KLHDC1: variants seen among roughly 807,000 people sequenced by gnomAD.
KLHDC1 encodes kelch domain containing 1.
In KLHDC1, 53 loss-of-function variants were observed where a neutral mutation model predicts 68.3. The ratio of observed to expected loss-of-function variants is 0.78; its 90% CI spans 0.62 to 0.98. The LOEUF is 0.98. Ranked by LOEUF, KLHDC1 falls within the 50% of genes least tolerant of loss-of-function variation. KLHDC1 has a pLI of 0.00. For synonymous variants in KLHDC1, 148 were observed against 159.0 expected, an observed-to-expected ratio of 0.93 and a Z score of 0.52; for missense variants, 470 against 492.3, an observed-to-expected ratio of 0.95 and a Z score of 0.43.
intron 10 of KLHDC1, among the ~76,000 whole-genome samples, chr14:49,737,112 C>T (rs1159313387): frequency 6.6e-6 from 1 of 152,178 alleles, no homozygotes; most frequent in African/African-American, 2.4e-5. Flanking sequence ...ATAGCCTTCT[C>T]TCCAGGAAAT....
chr14:49,727,617 C>G (rs1242643973), intron 6 of KLHDC1, among the ~76,000 whole-genome samples: 2 of 152,124 alleles, frequency 1.3e-5, no homozygotes, highest in African/African-American at 4.8e-5. Flanking sequence ...TTCCAGTACT[C>G]TTCTATTCTC....
intron 4 of KLHDC1, among the ~76,000 whole-genome samples, chr14:49,713,234 A>G (rs1388641621): frequency 6.6e-6 from 1 of 151,416 alleles, no homozygotes; most frequent in Non-Finnish European, 1.5e-5. Context: ...GATTACAGGC[A>G]TGAGCTACCG....
At chr14:49,693,334 C>G (rs1780338567) in intron 1 of KLHDC1, 44 bp downstream of exon 1, 2 of 1,319,806 alleles carry the variant, frequency 1.5e-6, no homozygotes, top group Admixed American at 3.4e-5. Flanking sequence ...GCCGGGAGAC[C>G]CTCGGCCTGA....
Position 49,723,914 on chromosome 14 carries a change from G to A in KLHDC1, c.445G>A (p.Glu149Lys). ...FGGYGCRRHSELQDCFDVHDA... is the reference protein window; with the variant it reads ...FGGYGCRRHSKLQDCFDVHDA... ...TGGTTATGGGTGTAGGAGACACAGT[G>A]AACTCCAAGACTGTTTTGATGTTCA... Residue 149 changes from glutamate to lysine, a missense_variant, in exon 5 of 13, where the codon GAA becomes AAA. By Grantham distance (56) the Glu-to-Lys change is moderately conservative (BLOSUM62 1). Coordinates refer to ENST00000359332, the MANE Select transcript of KLHDC1 (RefSeq NM_172193.3). The A allele has an allele frequency of 6.2e-7, 1 of 1,606,126 alleles. No homozygotes were observed. The highest frequency in any genetic ancestry group is 1.3e-5 in the African/African-American group (1 of 74,858).
Position 49,693,200 on chromosome 14 carries a change from G to A in KLHDC1, c.6G>A (p.Ala2=). The part of the protein sequence containing the change: M[A]DSQLFCVAEE... ...GCGGGCCAGCGACGGCGCGAATGGC[G>A]GACTCTCAGCTGTTCTGTGTGGCGG... Residue 2 remains alanine, a synonymous_variant, in exon 1 of 13, where the codon GCG becomes GCA. Coordinates refer to ENST00000359332, the MANE Select transcript of KLHDC1 (RefSeq NM_172193.3). 3.2e-6 allele frequency: 5 copies of A among 1,583,990 alleles called. No individual in the cohort carries two copies. The highest frequency in any genetic ancestry group is 3.4e-6 in the Non-Finnish European group (4 of 1,166,848).
intron 1 of KLHDC1, among the ~76,000 whole-genome samples, chr14:49,705,046 C>CT (rs1286998022): frequency 6.6e-6 from 1 of 152,020 alleles, no homozygotes; most frequent in Non-Finnish European, 1.5e-5. Context: ...GACCTTAATA[C>CT]TTTAAGCTAT....
chr14:49,734,032 A>G (rs1165631412), intron 9 of KLHDC1, among the ~76,000 whole-genome samples: 1 of 152,176 alleles, frequency 6.6e-6, no homozygotes, highest in Non-Finnish European at 1.5e-5. Flanking sequence ...ACATTTCACT[A>G]GGGGCTGTTT....
chr14:49,704,656 A>G (rs1239503247), intron 1 of KLHDC1, among the ~76,000 whole-genome samples: 1 of 152,070 alleles, frequency 6.6e-6, no homozygotes, highest in Non-Finnish European at 1.5e-5. Flanking sequence ...TCGGCCTCCC[A>G]AAGTGCTGGG....
intron 10 of KLHDC1, among the ~76,000 whole-genome samples, chr14:49,735,425 T>C (rs983649660): frequency 1.3e-5 from 2 of 152,092 alleles, no homozygotes; most frequent in African/African-American, 2.4e-5. Context: ...TATATTTTGT[T>C]ATTTAATAAA....
chr14:49,693,741 T>TCTTTTC, intron 1 of KLHDC1, among the ~76,000 whole-genome samples: 1 of 84,528 alleles, frequency 1.2e-5, no homozygotes, highest in Non-Finnish European at 2.5e-5. Flanking sequence ...TATTTTCTTT[T>TCTTTTC]CTTTTTCTTT....
intron 1 of KLHDC1, among the ~76,000 whole-genome samples, chr14:49,702,067 C>G (rs537759856): frequency 7.9e-5 from 12 of 151,318 alleles, no homozygotes; most frequent in Non-Finnish European, 1.6e-4. Flanking sequence ...ACTCGGGAGG[C>G]TGAGGCAGGA....
intron 5 of KLHDC1, among the ~76,000 whole-genome samples, chr14:49,725,245 C>A (rs984367378): frequency 2.2e-4 from 21 of 93,578 alleles, no homozygotes; most frequent in African/African-American, 7.7e-4. Context: ...TCTGTAAGAA[C>A]AAATTGCTTG....
chr14:49,701,839 GC>G (rs1316939777), intron 1 of KLHDC1, among the ~76,000 whole-genome samples: 4 of 151,990 alleles, frequency 2.6e-5, no homozygotes, highest in Non-Finnish European at 5.9e-5. Flanking sequence ...TTCAAGACCA[GC>G]CTGACCAATA....
At chr14:49,734,713 T>C in intron 10 of KLHDC1, 52 bp downstream of exon 10, 1 of 970,728 alleles carries the variant, frequency 1.0e-6, no homozygotes, top group Non-Finnish European at 1.6e-6. Flanking sequence ...TTTAAAGTAT[T>C]AAAATATAGT....
At position 49,709,449 on chromosome 14, in the gene KLHDC1, G is replaced by A. The variant is rs1027109443; in HGVS notation, c.167+220G>A. Among the ~76,000 whole-genome samples, 5 of 151,032 alleles carry A rather than the reference G, an allele frequency of 3.3e-5. No homozygotes were observed. The East Asian group carries it at 9.7e-4, about 29-fold the overall frequency. ...TAGTATTTCTCTCAAGACCAGTGCT[G>A]TCTCTGAAGATTTTGTTTTATTCTG... is the stretch of plus-strand genomic sequence containing the variant. On this transcript the variant is annotated intron_variant, in intron 2 of 12. Coordinates refer to ENST00000359332, the MANE Select transcript of KLHDC1 (RefSeq NM_172193.3).
chr14:49,705,080 A>G lies in KLHDC1; in HGVS notation c.97-4079A>G, dbSNP rs559907210. ...ATTTTAGAGAATAGGTTAGAGAAGTACATTTAAGCTGATTCCCAAAAAAGG... is the reference window on the plus strand; with the variant it reads ...ATTTTAGAGAATAGGTTAGAGAAGTGCATTTAAGCTGATTCCCAAAAAAGG... On this transcript the variant is annotated intron_variant, in intron 1 of 12. Coordinates refer to ENST00000359332, the MANE Select transcript of KLHDC1 (RefSeq NM_172193.3). Among the ~76,000 whole-genome samples, 8 of 152,310 alleles carry G rather than the reference A, an allele frequency of 5.3e-5. No individual in the cohort carries two copies. The East Asian group carries it at 1.2e-3, about 22-fold the overall frequency.
In KLHDC1 at chr14:49,725,698, T is replaced by C; in HGVS notation, c.496T>C (p.Phe166Leu). The C allele has an allele frequency of 7.2e-7, 1 of 1,395,710 alleles. No homozygotes were observed. The highest frequency in any genetic ancestry group is 9.4e-7 in the Non-Finnish European group (1 of 1,061,458). The allele number at this position is 1,395,710 out of a possible 1,614,324, so 86.5% of individuals were successfully genotyped here. A position where few individuals can be genotyped will look rare whatever the true frequency, so the allele number is the denominator to read the frequency against. Residue 166 changes from phenylalanine to leucine, a missense_variant, in exon 6 of 13, where the codon TTC becomes CTC. Physicochemically the swap from Phe to Leu is conservative, Grantham distance 22. Transcript: ENST00000359332. ...VHDASWEEQI[F>L]WGWHNDVHIF... The stretch of plus-strand genomic sequence containing the variant: ...ATTTCTCTTTTAGGAAGAGCAGATA[T>C]TCTGGGGATGGCATAATGATGTCCA...
intron 10 of KLHDC1, among the ~76,000 whole-genome samples, chr14:49,738,490 G>C (rs146795091): frequency 6.6e-6 from 1 of 151,984 alleles, no homozygotes; most frequent in African/African-American, 2.4e-5. Flanking sequence ...GGGATTACAG[G>C]CATGCGCCAA....
chr14:49,703,159 CTTTAT>C (rs1566595764), intron 1 of KLHDC1, among the ~76,000 whole-genome samples: 1 of 151,392 alleles, frequency 6.6e-6, no homozygotes, highest in African/African-American at 2.4e-5. Context: ...TAAACAATAC[CTTTAT>C]TGTTTATTAT....
Sources: gnomAD v4.1 joint callset for allele counts (sites outside exome capture counted in the v4.1 genomes callset) on GRCh38, gnomAD v4.1.1 for gene constraint, MANE v1.5 for transcripts, NCBI Gene and HGNC (gene_info 2026-07-23, HGNC 2026-07-21) for gene names.